Variants in BPIFB4 observed in about 807,000 individuals in gnomAD.
The protein encoded by BPIFB4 is BPI fold containing family B member 4, also known as BPI fold-containing family B member 4.
Under a neutral mutation model 69.2 loss-of-function variants are expected in BPIFB4, and 62 were observed. The ratio of observed to expected loss-of-function variants is 0.90; its 90% CI spans 0.73 to 1.11. The LOEUF (loss-of-function observed/expected upper bound fraction) is 1.11. BPIFB4 is among the 50% of genes least tolerant of loss of function. The pLI, the probability that BPIFB4 is intolerant of heterozygous loss-of-function variation, is 0.00. For synonymous variants in BPIFB4, 330 were observed against 332.7 expected (o/e 0.99, Z 0.09); for missense variants, 789 against 792.0 (o/e 1.00, Z 0.04).
chr20:33,111,539 C>T lies in BPIFB4; in HGVS notation c.*102C>T, dbSNP rs1407705748. On this transcript the variant is annotated 3_prime_UTR_variant, in exon 18 of 18. Coordinates refer to ENST00000375483, the MANE Select transcript of BPIFB4 (RefSeq NM_182519.3). ...CCCTGCCCAGAGTCCCCTCAGCCTC[C>T]ATGACAGGTCCCTCCCTGGCCCCCC... 1.4e-6 allele frequency: 2 copies of T among 1,441,760 alleles called. No homozygotes were observed. The highest frequency in any genetic ancestry group is 2.8e-5 in the African/African-American group (2 of 71,292). 89.3% of individuals were successfully genotyped at this position (1,441,760 alleles called of 1,614,324 possible).
chr20:33,103,037 A>T (rs769566293), intron 15 of BPIFB4, 23 bp downstream of exon 15: 13 of 1,611,116 alleles, frequency 8.1e-6, no homozygotes, highest in Non-Finnish European at 1.0e-5. Context: ...TTTAGTTCCC[A>T]GGGCAAGATC....
In BPIFB4 at chr20:33,097,694, G is replaced by A; in HGVS notation, c.1476G>A (p.Gln492=). 6.2e-7 allele frequency: 1 copy of A among 1,614,174 alleles called. No homozygotes were observed. The highest frequency in any genetic ancestry group is 8.5e-7 in the Non-Finnish European group (1 of 1,179,992). The change falls in exon 13 of 18, where the codon CAG becomes CAA. Residue 492 remains glutamine (Q), a synonymous_variant. Coordinates refer to ENST00000375483, the MANE Select transcript of BPIFB4 (RefSeq NM_182519.3). ...TGAACCCACCATCTGTGATGCTGCA[G>A]AAGGACAAAGCGCTGGTGAAGGTGT... ...QVLNPPSVML[Q]KDKALVKVLA...
chr20:33,086,544 C>T (rs1981435595), intron 7 of BPIFB4, among the ~76,000 whole-genome samples: 1 of 152,228 alleles, frequency 6.6e-6, no homozygotes, highest in African/African-American at 2.4e-5. Context: ...CTTGCCCTCT[C>T]TGAGCTCCAG....
At chr20:33,085,549 A>T (rs1981399108) in intron 6 of BPIFB4, among the ~76,000 whole-genome samples, 1 of 152,228 alleles carries the variant, frequency 6.6e-6, no homozygotes, top group African/African-American at 2.4e-5. Context: ...ACCTTGGGCC[A>T]GTCCCCCAGT....
intron 13 of BPIFB4, among the ~76,000 whole-genome samples, chr20:33,099,143 G>A (rs756326930): frequency 9.2e-5 from 14 of 152,048 alleles, no homozygotes; most frequent in Non-Finnish European, 1.8e-4. Context: ...CATGATTAAG[G>A]CTTCAGGCTT....
chr20:33,104,229 T>C lies in BPIFB4; in HGVS notation c.1681-581T>C, dbSNP rs145775413. ...AGGGTTACTCACTCCTGTTTTCAGA[T>C]GTGGAAACCAAGGCTTAGAGAAGTT... On this transcript the variant is annotated intron_variant, in intron 15 of 17. Coordinates refer to ENST00000375483, the MANE Select transcript of BPIFB4 (RefSeq NM_182519.3). Among the ~76,000 whole-genome samples the C allele has an allele frequency of 3.5e-4, 53 of 152,314 alleles. No individual in the cohort carries two copies. In the East Asian group the frequency reaches 9.8e-3, roughly 28 times the overall value.
At chr20:33,109,462 G>T (rs1982174662) in intron 17 of BPIFB4, among the ~76,000 whole-genome samples, 1 of 151,988 alleles carries the variant, frequency 6.6e-6, no homozygotes, top group Admixed American at 6.6e-5. Flanking sequence ...TATCAGAGAG[G>T]GTAGGCCACT....
chr20:33,100,194 T>G (rs138072281), intron 13 of BPIFB4, among the ~76,000 whole-genome samples: 259 of 152,256 alleles, frequency 1.7e-3, no homozygotes, highest in Non-Finnish European at 2.7e-3. Flanking sequence ...GTTGGCAACT[T>G]ATTATTCCGA....
At chr20:33,109,004 G>A (rs1231714846) in intron 17 of BPIFB4, among the ~76,000 whole-genome samples, 2 of 152,080 alleles carry the variant, frequency 1.3e-5, no homozygotes, top group Admixed American at 6.5e-5. Context: ...CCACATTAGG[G>A]AGTCAGTCAA....
intron 7 of BPIFB4, among the ~76,000 whole-genome samples, chr20:33,087,075 C>T (rs1052370224): frequency 1.1e-4 from 17 of 152,192 alleles, no homozygotes; most frequent in African/African-American, 3.4e-4. Flanking sequence ...GCTTCAGAGA[C>T]GATGGAGGCA....
At chr20:33,091,144 G>A (rs2424950) in intron 10 of BPIFB4, among the ~76,000 whole-genome samples, 114,678 of 152,108 alleles carry the variant, frequency 0.75, 43,579 homozygotes, top group East Asian at 0.96. Flanking sequence ...TGGACCTGGG[G>A]TCTGAACCCA....
intron 7 of BPIFB4, 32 bp from the exon 8 acceptor site, chr20:33,088,934 G>A (rs751419069): frequency 6.2e-7 from 1 of 1,613,082 alleles, no homozygotes; most frequent in Non-Finnish European, 8.5e-7. Context: ...ATGGCTGCGA[G>A]CCTTGACCTC....
In BPIFB4 at chr20:33,083,662, A is replaced by G; in HGVS notation, c.465A>G (p.Gly155=). The G allele has an allele frequency of 6.2e-7, 1 of 1,614,028 alleles. No individual in the cohort carries two copies. The highest frequency in any genetic ancestry group is 8.5e-7 in the Non-Finnish European group (1 of 1,179,980). Residue 155 remains glycine, a synonymous_variant, in exon 5 of 18, where the codon GGA becomes GGG. Coordinates refer to ENST00000375483, the MANE Select transcript of BPIFB4 (RefSeq NM_182519.3). ...TTCACCGGCGAGAGCTGCAGCCTGG[A>G]GAAATCCCACCTGGAGTTGCCACTG... is the stretch of plus-strand genomic sequence containing the variant. The part of the protein sequence containing the change: ...GRLHRRELQP[G]EIPPGVATGA...
At chr20:33,093,659 A>G (rs1401555440) in intron 11 of BPIFB4, among the ~76,000 whole-genome samples, 4 of 149,016 alleles carry the variant, frequency 2.7e-5, no homozygotes, top group African/African-American at 9.9e-5. Flanking sequence ...CCATCCATCC[A>G]TCAACCCATC....
intron 11 of BPIFB4, among the ~76,000 whole-genome samples, chr20:33,092,955 A>G (rs540692993): frequency 1.4e-4 from 21 of 152,360 alleles, no homozygotes; most frequent in African/African-American, 3.8e-4. Context: ...ATATTCACAT[A>G]TATGAACCTC....
At chr20:33,083,292 G>A (rs1981297401) in intron 4 of BPIFB4, 75 bp from the exon 5 acceptor site, 5 of 1,496,246 alleles carry the variant, frequency 3.3e-6, no homozygotes, top group African/African-American at 2.8e-5. Context: ...GGGCTGCTGG[G>A]TGGCAGTGGT....
intron 11 of BPIFB4, among the ~76,000 whole-genome samples, chr20:33,094,757 C>T (rs1981709315): frequency 6.6e-6 from 1 of 152,212 alleles, no homozygotes; most frequent in African/African-American, 2.4e-5. Flanking sequence ...ATCCACCTGC[C>T]TCGGCCTCCC....
In BPIFB4 at chr20:33,092,383, G is replaced by A. The variant is rs906892178; in HGVS notation, c.1144-75G>A. On this transcript the variant is annotated intron_variant, in intron 10 of 17. Transcript: ENST00000375483. ...ATGGCTGCCTGGAGGCAGATTCAGG[G>A]CCTCACTCCAGCCTTCAGTCCCCTT... 5.1e-6 allele frequency: 7 copies of A among 1,378,076 alleles called. No homozygotes were observed. The South Asian group carries it at 8.0e-5, about 16-fold the overall frequency. 85.4% of individuals were successfully genotyped at this position (1,378,076 alleles called of 1,614,324 possible).
chr20:33,108,106 C>T (rs7265099), intron 17 of BPIFB4, among the ~76,000 whole-genome samples: 419 of 152,220 alleles, frequency 2.8e-3, no homozygotes, highest in African/African-American at 9.5e-3. Flanking sequence ...AGGGGCTTGC[C>T]CAAAATGGAA....
Sources: gnomAD v4.1 joint callset for allele counts (sites outside exome capture counted in the v4.1 genomes callset) on GRCh38, gnomAD v4.1.1 for gene constraint, MANE v1.5 for transcripts, NCBI Gene and HGNC (gene_info 2026-07-23, HGNC 2026-07-21) for gene names.